PMS2: variants seen among roughly 807,000 people sequenced by gnomAD.
PMS2 encodes the protein mismatch repair endonuclease PMS2.
Under a neutral mutation model 90.0 loss-of-function variants are expected in PMS2, and 69 were observed. The observed-to-expected ratio is 0.77, with a 90% CI of 0.63 to 0.94. The LOEUF (loss-of-function observed/expected upper bound fraction) is 0.94, where lower values mean the gene tolerates loss of function less well. PMS2 is among the 40% of genes least tolerant of loss of function. The pLI is 0.00. For synonymous variants in PMS2, 332 were observed against 375.1 expected (o/e 0.89, Z 1.33); for missense variants, 966 against 1,040.2 (o/e 0.93, Z 0.98).
In PMS2 at chr7:5,987,252, C is replaced by T. The variant is rs1554297662; in HGVS notation, c.1513G>A (p.Gly505Arg). The T allele has an allele frequency of 6.2e-7, 1 of 1,614,138 alleles. No individual in the cohort carries two copies. The highest frequency in any genetic ancestry group is 1.7e-5 in the Admixed American group (1 of 60,008). Residue 505 changes from glycine to arginine, a missense_variant, in exon 11 of 15, where the codon GGG (glycine) becomes AGG (arginine). Around this residue, in one of 2 missense-constraint regions of PMS2, gnomAD observed 871 missense variants for 802.4 expected, o/e 1.09. Transcript: ENST00000265849. ...CTGCCCGTGTCTGGGATGCTGAACC[C>T]CTCAGAATCCACGGAAGTGCTGCCG... ...GHGSTSVDSE[G>R]FSIPDTGSHC... is the part of the protein sequence containing the mutation.
In PMS2 at chr7:6,003,984, A is replaced by T. The variant is rs757953671; in HGVS notation, c.238T>A (p.Phe80Ile). Residue 80 changes from phenylalanine to isoleucine, a missense_variant, in exon 3 of 15, where the codon TTC becomes ATC. Coordinates refer to ENST00000265849, the MANE Select transcript of PMS2 (RefSeq NM_000535.7). Reference sequence around the variant, plus strand: ...AAAGTCAACTTACTTAAGCCTTCGAAGTTTTCTTCTTCTACCCCACATCCA... The same window carrying T: ...AAAGTCAACTTACTTAAGCCTTCGATGTTTTCTTCTTCTACCCCACATCCA... ...DNGCGVEEENFEGLTLKHHTS... is the reference protein window; with the variant it reads ...DNGCGVEEENIEGLTLKHHTS... The T allele has an allele frequency of 6.3e-7, 1 of 1,598,074 alleles. No homozygotes were observed. Among genetic ancestry groups the T allele is most frequent in the South Asian group, 1.1e-5 (1 of 90,700 alleles).
intron 5 of PMS2, among the ~76,000 whole-genome samples, chr7:5,999,551 A>T (rs1418692085): frequency 2.0e-5 from 3 of 152,118 alleles, no homozygotes; most frequent in African/African-American, 7.2e-5. Flanking sequence ...GCTACTCAGG[A>T]GGCTGAGGGC....
In PMS2 at chr7:5,997,364, G is replaced by T. The variant is rs573125799; in HGVS notation, c.765C>A (p.Tyr255Ter). Residue 255 changes from tyrosine (Y) to a stop codon, truncating the protein, a stop_gained, in exon 7 of 15, where the codon TAC becomes TAA. Transcript: ENST00000265849. LOFTEE classifies it high-confidence loss of function. ...LPPSDSVCEEYGLSCSDALHN... is the reference protein window; with the variant it reads ...LPPSDSVCEE ...GCAGAGCATCGGAACAGCTCAAACCGTACTCTTCACACACGGAGTCACTAG... is the reference window on the plus strand; with the variant it reads ...GCAGAGCATCGGAACAGCTCAAACCTTACTCTTCACACACGGAGTCACTAG... 4.4e-6 allele frequency: 7 copies of T among 1,601,158 alleles called. No homozygotes were observed. The highest frequency in any genetic ancestry group is 2.6e-6 in the Non-Finnish European group (3 of 1,170,196).
intron 8 of PMS2, among the ~76,000 whole-genome samples, chr7:5,993,827 C>T (rs1030661157): frequency 2.9e-4 from 38 of 131,184 alleles, no homozygotes; most frequent in Non-Finnish European, 1.5e-4. Context: ...TGCCACTGCA[C>T]TCCAGCCTGG....
chr7:5,981,020 A>G (rs1782226794), intron 12 of PMS2, among the ~76,000 whole-genome samples: 1 of 151,516 alleles, frequency 6.6e-6, no homozygotes, highest in Non-Finnish European at 1.5e-5. Flanking sequence ...ACTTGTTGGG[A>G]TCTGAGTTTA....
intron 10 of PMS2, among the ~76,000 whole-genome samples, chr7:5,988,180 C>T (rs1326958129): frequency 6.6e-6 from 1 of 151,936 alleles, no homozygotes; most frequent in Non-Finnish European, 1.5e-5. Context: ...GCCTGAATAC[C>T]TCTGGTAGGA....
intron 1 of PMS2, 96 bp downstream of exon 1, chr7:6,008,901 G>T (rs2128864625): frequency 2.7e-6 from 4 of 1,463,140 alleles, no homozygotes; most frequent in Non-Finnish European, 3.8e-6. Flanking sequence ...CACGCGCCTC[G>T]GCCATGTTCC....
chr7:5,997,100 G>T (rs556653171), intron 7 of PMS2, among the ~76,000 whole-genome samples: 16 of 151,930 alleles, frequency 1.1e-4, no homozygotes, highest in African/African-American at 3.9e-4. Context: ...TGTAATCCCA[G>T]CTACTCAGGA....
chr7:5,995,440 C>G (rs111435898), intron 8 of PMS2, 94 bp downstream of exon 8: 1 of 783,740 alleles, frequency 1.3e-6, no homozygotes, highest in Non-Finnish European at 2.3e-6. Flanking sequence ...CTCAAAGTCC[C>G]GAGCTCCACG....
At chr7:6,008,222 C>G (rs868213898) in intron 1 of PMS2, among the ~76,000 whole-genome samples, 1 of 152,090 alleles carries the variant, frequency 6.6e-6, no homozygotes, top group African/African-American at 2.4e-5. Flanking sequence ...ATTTAAATGT[C>G]TCAATACATT....
At chr7:6,004,365 C>T (rs759828474) in intron 2 of PMS2, 24 of 256,576 alleles carry the variant, frequency 9.4e-5, no homozygotes, top group African/African-American at 1.4e-4. Context: ...AGCTGTAAAC[C>T]GCGTTGCACT....
chr7:6,000,315 G>A (rs765695511), intron 5 of PMS2, among the ~76,000 whole-genome samples: 16 of 150,350 alleles, frequency 1.1e-4, no homozygotes, highest in Admixed American at 4.7e-4. Context: ...TCATGGCTGC[G>A]GTAAGCTGAG....
chr7:6,002,333 A>G, intron 5 of PMS2, 120 bp downstream of exon 5: 1 of 745,196 alleles, frequency 1.3e-6, no homozygotes, highest in Non-Finnish European at 2.3e-6. Flanking sequence ...AGAAATGCAA[A>G]TAAAGCATTT....
At chr7:5,982,544 C>G (rs1782399377) in intron 12 of PMS2, among the ~76,000 whole-genome samples, 2 of 151,742 alleles carry the variant, frequency 1.3e-5, no homozygotes, top group African/African-American at 4.8e-5. Flanking sequence ...ACCACGTTGG[C>G]CAGGCTGGTC....
intron 9 of PMS2, among the ~76,000 whole-genome samples, chr7:5,991,484 T>C (rs1477854060): frequency 3.3e-5 from 5 of 151,702 alleles, no homozygotes; most frequent in African/African-American, 1.2e-4. Flanking sequence ...AAAAATTACA[T>C]TTTCCTAACA....
intron 1 of PMS2, among the ~76,000 whole-genome samples, chr7:6,007,367 C>CGG (rs1005220828): frequency 3.9e-5 from 6 of 152,082 alleles, no homozygotes; most frequent in African/African-American, 1.4e-4. Context: ...CCGCCTGCCT[C>CGG]GGCCTCCCAA....
intron 12 of PMS2, among the ~76,000 whole-genome samples, chr7:5,981,985 T>A (rs907794318): frequency 6.6e-6 from 1 of 152,048 alleles, no homozygotes; most frequent in Non-Finnish European, 1.5e-5. Context: ...GAAAAATACA[T>A]ATATACATAT....
chr7:5,985,226 T>C (rs530455926), intron 11 of PMS2, among the ~76,000 whole-genome samples: 102 of 151,168 alleles, frequency 6.7e-4, no homozygotes, highest in Non-Finnish European at 1.3e-3. Flanking sequence ...GCCCCCTGAG[T>C]ACCTGGGACT....
chr7:5,999,272 A>G lies in PMS2; in HGVS notation c.541T>C (p.Tyr181His), dbSNP rs863224680. The G allele has an allele frequency of 1.2e-6, 2 of 1,613,488 alleles. No homozygotes were observed. Among genetic ancestry groups the G allele is most frequent in the East Asian group, 4.5e-5 (2 of 44,874 alleles). The change falls in exon 6 of 15, where the codon TAT becomes CAT. Residue 181 changes from tyrosine (Y) to histidine (H), a missense_variant. Physicochemically the swap from Tyr to His is moderately conservative, Grantham distance 83 (BLOSUM62 2). This residue lies in a region of PMS2 where 871 missense variants were observed against 802.4 expected (regional missense o/e 1.09). Coordinates refer to ENST00000265849, the MANE Select transcript of PMS2 (RefSeq NM_000535.7). The stretch of plus-strand genomic sequence containing the variant: ...TGTAAGACCTGGACCATTTTGGCAT[A>G]CTCCTGTTTAAAAAACACAAACACA... ...KEFQRNIKKE[Y>H]AKMVQVLHAY...
Sources: gnomAD v4.1 joint callset for allele counts (sites outside exome capture counted in the v4.1 genomes callset) on GRCh38, gnomAD v4.1.1 for gene constraint, gnomAD v4.1.1 regional missense constraint, MANE v1.5 for transcripts, NCBI Gene and HGNC (gene_info 2026-07-23, HGNC 2026-07-21) for gene names.